DPP6: variants seen among roughly 807,000 people sequenced by gnomAD.
DPP6 encodes dipeptidyl peptidase like 6, also known as A-type potassium channel modulatory protein DPP6.
DPP6 carries 69 observed loss-of-function variants against 122.6 expected under a neutral mutation model. The ratio of observed to expected loss-of-function variants is 0.56; its 90% CI spans 0.46 to 0.69. DPP6 has a LOEUF of 0.69. Ranked by LOEUF, DPP6 falls within the 30% of genes least tolerant of loss-of-function variation. The probability of loss-of-function intolerance (pLI) is 0.00; values close to 1 mark genes in which losing one functional copy is unlikely to be tolerated. For missense variants in DPP6, 928 were observed against 1,116.9 expected (o/e 0.83, Z 2.41); for synonymous variants, 418 against 433.1 (o/e 0.97, Z 0.43).
At chr7:153,775,163 A>G in the DPP6 span, among the ~76,000 whole-genome samples, 1 of 145,262 alleles carries the variant, frequency 6.9e-6, no homozygotes, top group Non-Finnish European at 1.5e-5. Flanking sequence ...ATACTAGCAA[A>G]TACAATCCAG....
intron 9 of DPP6, among the ~76,000 whole-genome samples, chr7:154,771,334 G>C (rs781106951): frequency 1.6e-4 from 24 of 152,206 alleles, no homozygotes; most frequent in Non-Finnish European, 3.2e-4. Flanking sequence ...CCAAGATTAG[G>C]GTTCCGGCTG....
chr7:154,489,619 G>A (rs1824099111), intron 3 of DPP6, among the ~76,000 whole-genome samples: 1 of 152,096 alleles, frequency 6.6e-6, no homozygotes, highest in Admixed American at 6.6e-5. Flanking sequence ...AGTGCTCCCT[G>A]GAACCCAGCC....
chr7:153,973,907 T>A (rs1025737972), intron 1 of DPP6, among the ~76,000 whole-genome samples: 5 of 150,844 alleles, frequency 3.3e-5, no homozygotes, highest in African/African-American at 4.9e-5. Flanking sequence ...AGGCAGGAGT[T>A]CTTAGGGAAA....
intron 1 of DPP6, among the ~76,000 whole-genome samples, chr7:154,358,458 C>T (rs757385055): frequency 1.6e-4 from 24 of 152,066 alleles, no homozygotes; most frequent in Non-Finnish European, 2.9e-4. Context: ...GTGTCATGTG[C>T]GCCGTATTAC....
chr7:154,360,445 A>G (rs1304120622), intron 1 of DPP6, among the ~76,000 whole-genome samples: 1 of 152,198 alleles, frequency 6.6e-6, no homozygotes, highest in Non-Finnish European at 1.5e-5. Flanking sequence ...CTTGACCTCA[A>G]ACCCGTACAA....
chr7:154,017,841 C>G (rs1798502262), intron 1 of DPP6, among the ~76,000 whole-genome samples: 1 of 151,640 alleles, frequency 6.6e-6, no homozygotes, highest in East Asian at 1.9e-4. Flanking sequence ...CATAGATACT[C>G]CTAATATCTT....
At chr7:153,758,005 A>G in the DPP6 span, among the ~76,000 whole-genome samples, 6 of 152,194 alleles carry the variant, frequency 3.9e-5, no homozygotes, top group African/African-American at 1.2e-4. Context: ...AGTGTTTGCT[A>G]TTATTAAGGC....
intron 1 of DPP6, among the ~76,000 whole-genome samples, chr7:154,289,719 A>C (rs76398789): frequency 1.3e-5 from 2 of 152,150 alleles, no homozygotes; most frequent in Non-Finnish European, 2.9e-5. Flanking sequence ...TCTCTGCACA[A>C]CTTCAGAGAG....
intron 2 of DPP6, among the ~76,000 whole-genome samples, chr7:154,452,518 T>G (rs1209739604): frequency 6.6e-6 from 1 of 152,228 alleles, no homozygotes; most frequent in African/African-American, 2.4e-5. Context: ...AGTTAGAAAT[T>G]GTAATATGTG....
chr7:153,876,189 C>A, the DPP6 span, among the ~76,000 whole-genome samples: 1 of 151,826 alleles, frequency 6.6e-6, no homozygotes, highest in Non-Finnish European at 1.5e-5. Context: ...ATAGACAAAT[C>A]TACAATCTTA....
intron 16 of DPP6, among the ~76,000 whole-genome samples, chr7:154,808,923 A>C (rs755905185): frequency 1.3e-5 from 2 of 152,164 alleles, no homozygotes; most frequent in Non-Finnish European, 2.9e-5. Flanking sequence ...TTGAATGAGA[A>C]AGGTGACAGA....
At chr7:154,871,043 C>T (rs1804344022) in intron 18 of DPP6, among the ~76,000 whole-genome samples, 1 of 152,036 alleles carries the variant, frequency 6.6e-6, no homozygotes, top group African/African-American at 2.4e-5. Context: ...CTCTGAAGCT[C>T]CTCTGTTCTC....
chr7:153,749,675 G>A, the DPP6 span, among the ~76,000 whole-genome samples: 1 of 152,124 alleles, frequency 6.6e-6, no homozygotes, highest in African/African-American at 2.4e-5. The surrounding 1 kb of genome is among the most constrained non-coding windows in gnomAD (Gnocchi z 4.1). Flanking sequence ...CGAGGTTCCG[G>A]ATTTCGCACG....
intron 1 of DPP6, among the ~76,000 whole-genome samples, chr7:154,151,267 A>G (rs1796405077): frequency 6.6e-6 from 1 of 152,082 alleles, no homozygotes; most frequent in Non-Finnish European, 1.5e-5. Flanking sequence ...CCATCCATCC[A>G]GGTCACCTCC....
intron 5 of DPP6, among the ~76,000 whole-genome samples, chr7:154,616,625 T>G (rs997878905): frequency 6.6e-6 from 1 of 152,188 alleles, no homozygotes; most frequent in Non-Finnish European, 1.5e-5. Context: ...CAGAGAATCA[T>G]TTCCTCTTTG....
At chr7:154,772,716 G>T in intron 9 of DPP6, 129 bp from the exon 10 acceptor site, 1 of 1,254,220 alleles carries the variant, frequency 8.0e-7, no homozygotes, top group Non-Finnish European at 1.1e-6. Context: ...CATTAATTCT[G>T]CTCCTTAATA....
intron 10 of DPP6, 101 bp downstream of exon 10, chr7:154,773,043 T>G (rs1796341891): frequency 7.4e-7 from 1 of 1,345,824 alleles, no homozygotes; most frequent in South Asian, 2.0e-5. Context: ...ACAACAAGTT[T>G]AAACATCCAA....
chr7:154,355,168 G>A (rs1331507941), intron 1 of DPP6, among the ~76,000 whole-genome samples: 1 of 152,080 alleles, frequency 6.6e-6, no homozygotes, highest in Admixed American at 6.5e-5. Flanking sequence ...ACCTATTCAA[G>A]TTTTTTGCTC....
chr7:154,218,414 A>G (rs1800123727), intron 1 of DPP6, among the ~76,000 whole-genome samples: 1 of 152,258 alleles, frequency 6.6e-6, no homozygotes, highest in Admixed American at 6.5e-5. Flanking sequence ...TGGCTAATTC[A>G]TCAGTTTCCC....
Sources: allele counts gnomAD v4.1 joint callset (sites outside exome capture counted in the v4.1 genomes callset), GRCh38; gene constraint gnomAD v4.1.1; non-coding constraint Gnocchi (gnomAD v3.1); transcripts MANE v1.5; gene names NCBI Gene and HGNC (gene_info 2026-07-23, HGNC 2026-07-21).